ARID5B: variants seen among roughly 807,000 people sequenced by gnomAD.
ARID5B encodes the protein AT-rich interaction domain 5B.
A neutral mutation model predicts 97.2 loss-of-function variants in ARID5B; 13 were observed. The observed-to-expected ratio is 0.13, with a 90% CI of 0.09 to 0.21. The LOEUF is 0.21. ARID5B is among the 10% of genes least tolerant of loss of function. The pLI is 1.00. For missense variants in ARID5B, 1,210 were observed against 1,465.3 expected (o/e 0.83, Z 2.84); for synonymous variants, 556 against 570.3 (o/e 0.97, Z 0.36).
intron 4 of ARID5B, among the ~76,000 whole-genome samples, chr10:62,045,403 T>TC (rs1047788821): frequency 2.0e-5 from 3 of 150,938 alleles, no homozygotes; most frequent in East Asian, 1.9e-4. Context: ...AGGTTACTCC[T>TC]CCCCCCCGAA....
At chr10:61,931,891 T>G (rs2132784711) in intron 2 of ARID5B, among the ~76,000 whole-genome samples, 1 of 152,304 alleles carries the variant, frequency 6.6e-6, no homozygotes, top group Non-Finnish European at 1.5e-5. Context: ...GGAACTCTCA[T>G]GCATTGCTGT....
chr10:62,071,413 C>A (rs1024872823), intron 8 of ARID5B, among the ~76,000 whole-genome samples: 1 of 152,124 alleles, frequency 6.6e-6, no homozygotes. Context: ...CCTTTATATG[C>A]AAATGCCCTC....
At chr10:61,970,589 A>T (rs1838612701) in intron 3 of ARID5B, among the ~76,000 whole-genome samples, 1 of 152,204 alleles carries the variant, frequency 6.6e-6, no homozygotes, top group Non-Finnish European at 1.5e-5. Flanking sequence ...CTGTCAGTTT[A>T]ATTAAATGGA....
chr10:61,929,661 C>G (rs1228787894), intron 2 of ARID5B, among the ~76,000 whole-genome samples: 1 of 152,172 alleles, frequency 6.6e-6, no homozygotes, highest in Non-Finnish European at 1.5e-5. Context: ...TCCTTTTTCT[C>G]CTGAGCAATT....
At chr10:61,908,819 A>G (rs1448858611) in intron 2 of ARID5B, among the ~76,000 whole-genome samples, 1 of 150,538 alleles carries the variant, frequency 6.6e-6, no homozygotes. Flanking sequence ...AAAAAAAAAA[A>G]AAAGAAGAAG....
chr10:62,019,106 G>A (rs1377989774), intron 4 of ARID5B, among the ~76,000 whole-genome samples: 1 of 152,102 alleles, frequency 6.6e-6, no homozygotes, highest in Non-Finnish European at 1.5e-5. Flanking sequence ...TGGAGCTCTG[G>A]ATTCAGCAAT....
At chr10:62,024,768 T>C (rs1006847962) in intron 4 of ARID5B, 1 of 393,320 alleles carries the variant, frequency 2.5e-6, no homozygotes. Context: ...CGGGTAGATA[T>C]TGATTGAGTT....
chr10:62,091,314 C>T lies in ARID5B; in HGVS notation c.1851C>T (p.Pro617=), dbSNP rs765232046. 9.3e-6 allele frequency: 15 copies of T among 1,614,196 alleles called. No individual in the cohort carries two copies. The highest frequency in any genetic ancestry group is 6.6e-5 in the South Asian group (6 of 91,082). Residue 617 remains proline (P), a synonymous_variant, in exon 10 of 10, where the codon CCC becomes CCT. Transcript: ENST00000279873. ...NQNETEDDKL[P]AMADYIANCT... is the part of the protein sequence containing the mutation. ...ATGAGACGGAGGATGACAAACTGCC[C>T]GCCATGGCAGATTACATTGCCAACT...
intron 4 of ARID5B, among the ~76,000 whole-genome samples, chr10:62,045,916 C>T (rs1839702084): frequency 2.0e-5 from 3 of 152,188 alleles, no homozygotes; most frequent in Non-Finnish European, 4.4e-5. Flanking sequence ...ACTTGCAAAT[C>T]GAATGAGTTA....
intron 2 of ARID5B, among the ~76,000 whole-genome samples, chr10:61,902,892 T>C (rs1343862164): frequency 1.3e-5 from 2 of 152,060 alleles, no homozygotes; most frequent in Non-Finnish European, 2.9e-5. Context: ...AGGGCGGAAA[T>C]TACGAAATGG....
At chr10:61,956,040 A>G (rs1005991133) in intron 3 of ARID5B, among the ~76,000 whole-genome samples, 3 of 152,120 alleles carry the variant, frequency 2.0e-5, no homozygotes, top group African/African-American at 4.8e-5. Flanking sequence ...TCTTTTATCC[A>G]TCTCTTTGTT....
intron 4 of ARID5B, among the ~76,000 whole-genome samples, chr10:62,009,091 A>G (rs1839183452): frequency 6.6e-6 from 1 of 152,232 alleles, no homozygotes; most frequent in East Asian, 1.9e-4. Context: ...AGAGTAGCCA[A>G]GCTCTTGGCA....
At chr10:62,037,969 G>A (rs1345884076) in intron 4 of ARID5B, among the ~76,000 whole-genome samples, 3 of 152,298 alleles carry the variant, frequency 2.0e-5, no homozygotes, top group East Asian at 1.9e-4. Flanking sequence ...TGTAATGCTG[G>A]TTGGAGGAGT....
At chr10:62,025,759 A>G (rs1589263230) in intron 4 of ARID5B, among the ~76,000 whole-genome samples, 1 of 141,926 alleles carries the variant, frequency 7.0e-6, no homozygotes, top group Non-Finnish European at 1.5e-5. Flanking sequence ...TTCACATTTT[A>G]TGTGTACAAT....
intron 7 of ARID5B, among the ~76,000 whole-genome samples, chr10:62,062,284 G>C (rs1345799145): frequency 1.3e-5 from 2 of 152,164 alleles, no homozygotes; most frequent in Non-Finnish European, 2.9e-5. Context: ...TAGTCATTTA[G>C]AACTCAAAAG....
chr10:61,913,125 T>C (rs1303150790), intron 2 of ARID5B, among the ~76,000 whole-genome samples: 1 of 152,186 alleles, frequency 6.6e-6, no homozygotes, highest in Non-Finnish European at 1.5e-5. Context: ...ACGCTGGTGA[T>C]ACAAGGCAAA....
At chr10:62,026,268 T>G (rs1839419743) in intron 4 of ARID5B, among the ~76,000 whole-genome samples, 1 of 152,258 alleles carries the variant, frequency 6.6e-6, no homozygotes, top group African/African-American at 2.4e-5. Context: ...GTGGTTATTT[T>G]GATCCCCCAG....
At chr10:61,983,172 C>T (rs1470462116) in intron 3 of ARID5B, among the ~76,000 whole-genome samples, 1 of 152,084 alleles carries the variant, frequency 6.6e-6, no homozygotes, top group East Asian at 1.9e-4. Flanking sequence ...TCTCACTCGG[C>T]TTGAAGTAAG....
intron 2 of ARID5B, among the ~76,000 whole-genome samples, chr10:61,909,386 C>T (rs570150034): frequency 1.4e-4 from 18 of 131,558 alleles, no homozygotes; most frequent in Non-Finnish European, 2.3e-4. Context: ...AGTGCAGTGG[C>T]GCGATCTCGG....
Sources: allele counts gnomAD v4.1 joint callset (sites outside exome capture counted in the v4.1 genomes callset), GRCh38; gene constraint gnomAD v4.1.1; transcripts MANE v1.5; gene names NCBI Gene and HGNC (gene_info 2026-07-23, HGNC 2026-07-21).